Variants in DNAH7 observed in about 807,000 individuals in gnomAD.
DNAH7 encodes the protein axonemal beta dynein heavy chain 7.
A neutral mutation model predicts 444.6 loss-of-function variants in DNAH7; 397 were observed. The observed-to-expected ratio is 0.89, with a 90% CI of 0.82 to 0.97. The LOEUF (loss-of-function observed/expected upper bound fraction) is 0.97. Ranked by LOEUF, DNAH7 falls within the 50% of genes least tolerant of loss-of-function variation. The pLI, the probability that DNAH7 is intolerant of heterozygous loss-of-function variation, is 0.00. For synonymous variants in DNAH7, 1,636 were observed against 1,624.4 expected, an observed-to-expected ratio of 1.01 and a Z score of -0.17; for missense variants, 4,902 against 4,800.8, an observed-to-expected ratio of 1.02 and a Z score of -0.62.
intron 10 of DNAH7, among the ~76,000 whole-genome samples, chr2:196,004,486 T>C (rs755558012): frequency 3.9e-5 from 6 of 152,124 alleles, no homozygotes; most frequent in Non-Finnish European, 5.9e-5. Context: ...CACAAATATG[T>C]CTAAAGTAAA....
chr2:195,926,381 A>T (rs748388723), intron 22 of DNAH7, 45 bp downstream of exon 22: 2 of 1,435,042 alleles, frequency 1.4e-6, no homozygotes, highest in Non-Finnish European at 9.2e-7. Context: ...CAATAATACT[A>T]TTGAAAAAAT....
At chr2:196,060,410 T>A (rs536211587) in intron 1 of DNAH7, among the ~76,000 whole-genome samples, 12 of 152,300 alleles carry the variant, frequency 7.9e-5, no homozygotes, top group Admixed American at 1.3e-4. Context: ...CTTTTCTGTC[T>A]CAGTCTAAAG....
chr2:195,924,795 T>G (rs780701127), intron 22 of DNAH7, among the ~76,000 whole-genome samples: 3 of 152,210 alleles, frequency 2.0e-5, no homozygotes, highest in Non-Finnish European at 4.4e-5. Context: ...TATAATAAGC[T>G]AATGCCAGTT....
intron 61 of DNAH7, among the ~76,000 whole-genome samples, chr2:195,771,162 A>T (rs1694818714): frequency 6.6e-6 from 1 of 152,060 alleles, no homozygotes; most frequent in Admixed American, 6.6e-5. Flanking sequence ...CTAAAAAAAT[A>T]AAAATAAAAT....
At chr2:195,981,015 A>G (rs1350267704) in intron 15 of DNAH7, among the ~76,000 whole-genome samples, 1 of 152,206 alleles carries the variant, frequency 6.6e-6, no homozygotes, top group Non-Finnish European at 1.5e-5. Flanking sequence ...GATAAGACAA[A>G]GAAATAAAAG....
At chr2:195,868,158 C>A (rs555146761) in intron 40 of DNAH7, among the ~76,000 whole-genome samples, 3 of 133,512 alleles carry the variant, frequency 2.2e-5, no homozygotes, top group African/African-American at 8.7e-5. Context: ...TGCAGTGGTG[C>A]GATCTCGGCT....
chr2:195,869,189 T>C (rs1470652980), intron 40 of DNAH7, among the ~76,000 whole-genome samples: 1 of 151,698 alleles, frequency 6.6e-6, no homozygotes, highest in Non-Finnish European at 1.5e-5. Context: ...ACCCTGCAGA[T>C]TGAATCCCAG....
At position 195,809,801 on chromosome 2, in the gene DNAH7, C is replaced by T. The variant is rs781777271; in HGVS notation, c.9832G>A (p.Asp3278Asn). 3.1e-6 allele frequency: 5 copies of T among 1,601,086 alleles called. No individual in the cohort carries two copies. In the Admixed American group the frequency reaches 8.5e-5, roughly 27 times the overall value. The change falls in exon 52 of 65, where the codon GAT becomes AAT. Residue 3278 changes from aspartate to asparagine, a missense_variant. Coordinates refer to ENST00000312428, the MANE Select transcript of DNAH7 (RefSeq NM_018897.3). ...VNVCRSLFEK[D>N]KLLFSFCLTI... ...AGACAAAAGGAAAAGAGCAGCTTAT[C>T]CTTTTCAAAGAGTGACCGGCAGACA...
chr2:195,738,151 C>G (rs1314502894), intron 64 of DNAH7, 24 bp from the exon 65 acceptor site: 1 of 1,597,744 alleles, frequency 6.3e-7, no homozygotes, highest in Non-Finnish European at 8.6e-7. Flanking sequence ...CATAACACCT[C>G]TTTAAGTCAA....
chr2:195,963,553 C>T (rs1323294364), intron 17 of DNAH7, among the ~76,000 whole-genome samples: 1 of 152,150 alleles, frequency 6.6e-6, no homozygotes, highest in East Asian at 1.9e-4. Flanking sequence ...TTCTCCCATG[C>T]TCTGGGTTGT....
intron 20 of DNAH7, among the ~76,000 whole-genome samples, chr2:195,936,139 C>T (rs902866882): frequency 2.6e-5 from 4 of 151,590 alleles, no homozygotes; most frequent in South Asian, 2.1e-4. Flanking sequence ...TTTGGGAGGC[C>T]GAGGCAGGTG....
intron 10 of DNAH7, among the ~76,000 whole-genome samples, chr2:196,011,620 T>G (rs73987657): frequency 2.0e-5 from 3 of 152,106 alleles, no homozygotes; most frequent in Non-Finnish European, 4.4e-5. Flanking sequence ...TAATTGTTTC[T>G]CCTCTGTGAG....
chr2:195,956,680 C>CA (rs1690684863), intron 19 of DNAH7, among the ~76,000 whole-genome samples: 1 of 151,378 alleles, frequency 6.6e-6, no homozygotes, highest in Non-Finnish European at 1.5e-5. Flanking sequence ...CTGAATTGAA[C>CA]AAAAAACGTA....
Position 195,756,257 on chromosome 2 carries a change from T to TC in DNAH7, c.11461dup (p.Glu3821GlyfsTer5). ...ATTCAAAATGCTGCTAACCACTTCT[T>TC]CAAGATCTGTAGACATGACTGCAAG... On this transcript the variant is annotated frameshift_variant, in exon 62 of 65. Transcript: ENST00000312428. LOFTEE classifies it high-confidence loss of function. The TC allele has an allele frequency of 6.2e-7, 1 of 1,613,574 alleles. No individual in the cohort carries two copies. The highest frequency in any genetic ancestry group is 8.5e-7 in the Non-Finnish European group (1 of 1,179,616).
rs777297742 is a variant in DNAH7 at position 195,796,683 on chromosome 2, T to C, written c.10408A>G (p.Ile3470Val). The C allele has an allele frequency of 3.1e-6, 5 of 1,614,186 alleles. No individual in the cohort carries two copies. The highest frequency in any genetic ancestry group is 4.2e-6 in the Non-Finnish European group (5 of 1,180,018). Residue 3470 changes from isoleucine to valine, a missense_variant, in exon 56 of 65, where the codon ATT becomes GTT. Physicochemically the swap from Ile to Val is conservative, Grantham distance 29. Transcript: ENST00000312428. ...SLSLGQGQGP[I>V]AMKMLEKAVK... is the part of the protein sequence containing the mutation. ...GCTTTTTCTAACATCTTCATAGCAA[T>C]GGGCCCTTGGCCTTGACCAAGAGAT... is the stretch of plus-strand genomic sequence containing the variant.
At chr2:195,753,216 G>C (rs1472230884) in intron 63 of DNAH7, among the ~76,000 whole-genome samples, 2 of 151,898 alleles carry the variant, frequency 1.3e-5, no homozygotes, top group East Asian at 3.9e-4. Context: ...GCTCTCTTCA[G>C]ATGGCTTTTT....
Position 195,738,042 on chromosome 2 carries a change from C to T in DNAH7, c.11954G>A (p.Gly3985Glu). Residue 3985 changes from glycine to glutamate, a missense_variant, in exon 65 of 65, where the codon GGA (glycine) becomes GAA (glutamate). Physicochemically the swap from Gly to Glu is moderately conservative, Grantham distance 98. Transcript: ENST00000312428. Reference protein sequence around the residue: ...APLYKTSERRGVLSTTGHSTN... With the variant: ...APLYKTSERREVLSTTGHSTN... ...GGAATGGCCAGTGGTGGATAATACT[C>T]CTCTCCGCTCACTTGTCTTATACAA... 6.2e-7 allele frequency: 1 copy of T among 1,614,028 alleles called. No individual in the cohort carries two copies. The highest frequency in any genetic ancestry group is 8.5e-7 in the Non-Finnish European group (1 of 1,179,920).
At chr2:195,902,986 G>C (rs1016236808) in intron 27 of DNAH7, 4 of 152,156 alleles carry the variant, frequency 2.6e-5, no homozygotes, top group Non-Finnish European at 5.9e-5. Flanking sequence ...TTGGATTCTA[G>C]CTTAACCAGT....
intron 25 of DNAH7, among the ~76,000 whole-genome samples, chr2:195,908,514 G>A (rs907006069): frequency 6.6e-6 from 1 of 152,034 alleles, no homozygotes; most frequent in African/African-American, 2.4e-5. Context: ...CCACTTATGA[G>A]TGAGAACATG....
Sources: allele counts gnomAD v4.1 joint callset (sites outside exome capture counted in the v4.1 genomes callset), GRCh38; gene constraint gnomAD v4.1.1; transcripts MANE v1.5; gene names NCBI Gene and HGNC (gene_info 2026-07-23, HGNC 2026-07-21).